The following CELSR1 variants were observed in gnomAD, a reference collection of about 807,000 sequenced individuals.
CELSR1 encodes the protein cadherin EGF LAG seven-pass G-type receptor 1.
A neutral mutation model predicts 249.1 loss-of-function variants in CELSR1; 110 were observed. The ratio of observed to expected loss-of-function variants is 0.44; its 90% CI spans 0.38 to 0.52. CELSR1 has a LOEUF of 0.52. Among genes scored for constraint, CELSR1 ranks in the 20% least tolerant of loss-of-function variants. The pLI, the probability that CELSR1 is intolerant of heterozygous loss-of-function variation, is 0.00. For missense variants in CELSR1, 4,109 were observed against 4,296.4 expected (o/e 0.96, Z 1.22); for synonymous variants, 2,113 against 1,900.0 (o/e 1.11, Z -2.92).
At chr22:46,507,431 C>A (rs1209180719) in intron 1 of CELSR1, among the ~76,000 whole-genome samples, 1 of 151,982 alleles carries the variant, frequency 6.6e-6, no homozygotes, top group African/African-American at 2.4e-5. Context: ...CCCCACAGCA[C>A]CCCGAGCAGC....
Position 46,410,000 on chromosome 22 carries a change from A to T in CELSR1, c.4934-120T>A. 7 of 1,309,266 alleles carry T rather than the reference A, an allele frequency of 5.3e-6. No individual in the cohort carries two copies. Among genetic ancestry groups the T allele is most frequent in the Non-Finnish European group, 7.4e-6 (7 of 943,920 alleles). 81.1% of individuals were successfully genotyped at this position (1,309,266 alleles called of 1,614,324 possible). A position where few individuals can be genotyped will look rare whatever the true frequency, so the allele number is the denominator to read the frequency against. ...CCCGGGGCTGGACAGAAGTCAGACC[A>T]GGTCTGAACGCCCCTGGCAACGGCA... On this transcript the variant is annotated intron_variant, in intron 7 of 34. Transcript: ENST00000674500. The surrounding 1 kb of genome is among the most constrained non-coding windows in gnomAD (Gnocchi z 9.8).
chr22:46,363,057 C>G lies in CELSR1; in HGVS notation c.*166G>C. 1 of 1,429,626 alleles carries G rather than the reference C, an allele frequency of 7.0e-7. No individual in the cohort carries two copies. Among genetic ancestry groups the G allele is most frequent in the South Asian group, 1.2e-5 (1 of 85,892 alleles). The allele number at this position is 1,429,626 out of a possible 1,614,324, so 88.6% of individuals were successfully genotyped here. A position where few individuals can be genotyped will look rare whatever the true frequency, so the allele number is the denominator to read the frequency against. On this transcript the variant is annotated 3_prime_UTR_variant, in exon 35 of 35. Transcript: ENST00000674500. The surrounding 1 kb of genome is among the most constrained non-coding windows in gnomAD (Gnocchi z 4.3). ...AGACCTTTGTGTCTGGATGATCAGT[C>G]GGGGGGCTGCCACCATGGGGACCGC...
chr22:46,515,934 G>A (rs1236477942), intron 1 of CELSR1, among the ~76,000 whole-genome samples: 9 of 152,150 alleles, frequency 5.9e-5, no homozygotes, highest in Admixed American at 6.5e-5. Context: ...TTACAATGGC[G>A]ATCATTAAAA....
rs776170182 is a variant in CELSR1 at position 46,409,854 on chromosome 22, C to A, written c.4960G>T (p.Asp1654Tyr). 5 of 1,613,598 alleles carry A rather than the reference C, an allele frequency of 3.1e-6. No individual in the cohort carries two copies. Among genetic ancestry groups the A allele is most frequent in the African/African-American group, 2.7e-5 (2 of 74,942 alleles). ...CCTCCATTCTGACACCGCCTCCCAT[C>A]GCAGAAGTTCCTCCGAGCAGCGCAG... ...EGCAARRNFC[D>Y]GRRCQNGGTC... Residue 1654 changes from aspartate (D) to tyrosine (Y), a missense_variant, in exon 8 of 35, where the codon GAT becomes TAT. Physicochemically the swap from Asp to Tyr is radical, Grantham distance 160. This residue lies in a region of CELSR1 where 453 missense variants were observed against 492.0 expected (regional missense o/e 0.92). Transcript: ENST00000674500. The surrounding 1 kb of genome is among the most constrained non-coding windows in gnomAD (Gnocchi z 9.8).
chr22:46,372,656 C>G (rs1325537642), intron 25 of CELSR1, among the ~76,000 whole-genome samples: 1 of 152,080 alleles, frequency 6.6e-6, no homozygotes, highest in Non-Finnish European at 1.5e-5. Flanking sequence ...CTGAACAGAC[C>G]TGGACCCAGC....
At chr22:46,416,279 G>A (rs968625854) in intron 5 of CELSR1, among the ~76,000 whole-genome samples, 6 of 152,256 alleles carry the variant, frequency 3.9e-5, no homozygotes, top group Non-Finnish European at 7.3e-5. Flanking sequence ...CCGGGCACAG[G>A]ATGGGCCAAG....
intron 1 of CELSR1, among the ~76,000 whole-genome samples, chr22:46,503,900 G>A (rs564525377): frequency 1.3e-5 from 2 of 152,132 alleles, no homozygotes; most frequent in African/African-American, 4.8e-5. Context: ...CAGGTGTGGC[G>A]ATGTGCATCC....
At chr22:46,392,375 C>T (rs1323902252) in intron 14 of CELSR1, among the ~76,000 whole-genome samples, 1 of 152,176 alleles carries the variant, frequency 6.6e-6, no homozygotes, top group Non-Finnish European at 1.5e-5. Flanking sequence ...TGTGACCAGG[C>T]TGTGACTTGG....
Position 46,428,825 on chromosome 22 carries a change from C to A in CELSR1, c.4611+4568G>T, listed in dbSNP as rs187723366. ...ACTCACGGGTCCCCAGCGGGCCACACTGCCTGGTGTCCATGTCAGGCACTA... is the reference window on the plus strand; with the variant it reads ...ACTCACGGGTCCCCAGCGGGCCACAATGCCTGGTGTCCATGTCAGGCACTA... On this transcript the variant is annotated intron_variant, in intron 5 of 34. Coordinates refer to ENST00000674500, the MANE Select transcript of CELSR1 (RefSeq NM_001378328.1). The surrounding 1 kb of genome is among the most constrained non-coding windows in gnomAD (Gnocchi z 5.7). 2.0e-5 allele frequency among the ~76,000 whole-genome samples: 3 copies of A among 152,338 alleles called. No individual in the cohort carries two copies. The East Asian group carries it at 5.8e-4, about 29-fold the overall frequency.
chr22:46,434,709 G>C lies in CELSR1; in HGVS notation c.4523-1228C>G, dbSNP rs895022700. Among the ~76,000 whole-genome samples the C allele has an allele frequency of 2.0e-5, 3 of 152,290 alleles. No individual in the cohort carries two copies. The highest frequency in any genetic ancestry group is 7.2e-5 in the African/African-American group (3 of 41,574). ...CAGAATTCACTCCTGAAAGTCAAGT[G>C]TGCCAGGCTGAGCCTGGTGGCTCAC... On this transcript the variant is annotated intron_variant, in intron 4 of 34. Coordinates refer to ENST00000674500, the MANE Select transcript of CELSR1 (RefSeq NM_001378328.1). This position sits in a 1 kb window ranked among gnomAD's most constrained non-coding sequence, Gnocchi z 4.9.
chr22:46,475,984 T>G (rs1414295344), intron 1 of CELSR1, among the ~76,000 whole-genome samples: 1 of 152,106 alleles, frequency 6.6e-6, no homozygotes, highest in East Asian at 1.9e-4. Context: ...CACATCAACA[T>G]AGCCAGCCCA....
chr22:46,503,377 T>C (rs570321038), intron 1 of CELSR1, among the ~76,000 whole-genome samples: 7 of 152,320 alleles, frequency 4.6e-5, no homozygotes, highest in African/African-American at 1.7e-4. Context: ...TGTACTTCCT[T>C]CTGTTTCCCA....
chr22:46,377,340 T>G, intron 23 of CELSR1, 79 bp from the exon 24 acceptor site: 1 of 1,429,890 alleles, frequency 7.0e-7, no homozygotes, highest in Non-Finnish European at 9.7e-7. Flanking sequence ...CAGAGATAAA[T>G]TACACACTTG....
At chr22:46,418,118 G>C (rs1224443209) in intron 5 of CELSR1, among the ~76,000 whole-genome samples, 1 of 152,222 alleles carries the variant, frequency 6.6e-6, no homozygotes, top group African/African-American at 2.4e-5. Flanking sequence ...AAGATGTGAA[G>C]AAAAGCAAAA....
intron 18 of CELSR1, among the ~76,000 whole-genome samples, chr22:46,388,407 G>A (rs557209114): frequency 7.2e-5 from 11 of 152,160 alleles, no homozygotes; most frequent in East Asian, 3.9e-4. Context: ...GTGGAGTCAC[G>A]CATGGAGAAC....
At chr22:46,425,674 C>G (rs890255610) in intron 5 of CELSR1, among the ~76,000 whole-genome samples, 4 of 151,206 alleles carry the variant, frequency 2.6e-5, no homozygotes, top group African/African-American at 9.7e-5. Flanking sequence ...ATCAGTCACG[C>G]TAGAAGTTTT....
At chr22:46,370,771 G>T (rs2078843048) in intron 25 of CELSR1, among the ~76,000 whole-genome samples, 1 of 152,244 alleles carries the variant, frequency 6.6e-6, no homozygotes, top group Non-Finnish European at 1.5e-5. Flanking sequence ...GGACAGTCAG[G>T]GAAGCCCTGG....
In CELSR1 at chr22:46,398,016, G is replaced by A. The variant is rs2079169723; in HGVS notation, c.5527-168C>T. Among the ~76,000 whole-genome samples, 1 of 152,200 alleles carries A rather than the reference G, an allele frequency of 6.6e-6. No homozygotes were observed. The highest frequency in any genetic ancestry group is 2.4e-5 in the African/African-American group (1 of 41,458). On this transcript the variant is annotated intron_variant, in intron 11 of 34. Coordinates refer to ENST00000674500, the MANE Select transcript of CELSR1 (RefSeq NM_001378328.1). The surrounding 1 kb of genome is among the most constrained non-coding windows in gnomAD (Gnocchi z 7.2). ...GTTCCTCTTGCCCCACGGCCTGCTGGCCGGAGTGCAGTGGAGGGCTGGGTG... is the reference window on the plus strand; with the variant it reads ...GTTCCTCTTGCCCCACGGCCTGCTGACCGGAGTGCAGTGGAGGGCTGGGTG...
At chr22:46,372,115 C>G in intron 25 of CELSR1, among the ~76,000 whole-genome samples, 1 of 150,946 alleles carries the variant, frequency 6.6e-6, no homozygotes, top group Non-Finnish European at 1.5e-5. Flanking sequence ...TGCTCACTCA[C>G]TCATTCCTCC....
Sources: gnomAD v4.1 joint callset for allele counts (sites outside exome capture counted in the v4.1 genomes callset) on GRCh38, gnomAD v4.1.1 for gene constraint, gnomAD v4.1.1 regional missense constraint, Gnocchi (gnomAD v3.1) non-coding constraint, MANE v1.5 for transcripts, NCBI Gene and HGNC (gene_info 2026-07-23, HGNC 2026-07-21) for gene names.